Variants in RNF138 observed in about 807,000 individuals in gnomAD.
The protein encoded by RNF138 is ring finger protein 138, also known as E3 ubiquitin-protein ligase RNF138.
In RNF138, 12 loss-of-function variants were observed where a neutral mutation model predicts 31.0. That is an observed-to-expected ratio of 0.39 (90% CI 0.25 to 0.63). The LOEUF (loss-of-function observed/expected upper bound fraction) is 0.63, where lower values mean the gene tolerates loss of function less well. Ranked by LOEUF, RNF138 falls within the 20% of genes least tolerant of loss-of-function variation. The pLI, the probability that RNF138 is intolerant of heterozygous loss-of-function variation, is 0.52. For synonymous variants in RNF138, 105 were observed against 99.5 expected (o/e 1.06, Z -0.33); for missense variants, 192 against 300.1 (o/e 0.64, Z 2.66).
chr18:32,097,260 T>G (rs996446700), intron 2 of RNF138, among the ~76,000 whole-genome samples: 3 of 152,188 alleles, frequency 2.0e-5, no homozygotes, highest in African/African-American at 7.2e-5. Flanking sequence ...ACTATTGCAA[T>G]AAAAATTACA....
intron 2 of RNF138, among the ~76,000 whole-genome samples, chr18:32,108,594 C>G (rs80165292): frequency 6.6e-6 from 1 of 152,192 alleles, no homozygotes; most frequent in Non-Finnish European, 1.5e-5. Flanking sequence ...GTATAGTTTT[C>G]AGTTTGGGGC....
chr18:32,094,766 G>A (rs1172625894), intron 2 of RNF138, among the ~76,000 whole-genome samples: 2 of 152,004 alleles, frequency 1.3e-5, no homozygotes, highest in Non-Finnish European at 2.9e-5. Context: ...AGAGGAAGTT[G>A]TAATAGCTGC....
rs562809472 is a variant in RNF138 at position 32,102,353 on chromosome 18, C to T, written c.111-9401C>T. Among the ~76,000 whole-genome samples, 90 of 151,664 alleles carry T rather than the reference C, an allele frequency of 5.9e-4. No individual in the cohort carries two copies. The Middle Eastern group carries it at 0.014, about 23-fold the overall frequency. On this transcript the variant is annotated intron_variant, in intron 2 of 7. Coordinates refer to ENST00000261593, the MANE Select transcript of RNF138 (RefSeq NM_016271.5). ...AGTAGCTGGGACTACAGGCGCCCGC[C>T]GCCACGCCCGGCTAATTTTTTGTAT...
At chr18:32,127,928 AAGTT>A (rs1183331824) in intron 7 of RNF138, among the ~76,000 whole-genome samples, 2 of 152,006 alleles carry the variant, frequency 1.3e-5, no homozygotes, top group East Asian at 3.9e-4. Flanking sequence ...AAAATACAAA[AAGTT>A]AGCCGGGTGT....
chr18:32,113,658 GTTAC>G, intron 3 of RNF138, 83 bp from the exon 4 acceptor site: 1 of 576,790 alleles, frequency 1.7e-6, no homozygotes, highest in African/African-American at 2.0e-5. Context: ...GGAGTATTTA[GTTAC>G]TTTTATTTTT....
At chr18:32,098,176 C>T (rs1363778369) in intron 2 of RNF138, among the ~76,000 whole-genome samples, 1 of 151,552 alleles carries the variant, frequency 6.6e-6, no homozygotes, top group African/African-American at 2.4e-5. Context: ...TTAGTAGAGA[C>T]AGGGTTTTAC....
intron 2 of RNF138, among the ~76,000 whole-genome samples, chr18:32,094,118 C>T (rs1353119647): frequency 1.3e-5 from 2 of 152,164 alleles, no homozygotes; most frequent in Admixed American, 6.6e-5. Flanking sequence ...AAAAAACACA[C>T]TCAGGCTTGA....
At chr18:32,120,405 A>G (rs751316721) in intron 4 of RNF138, among the ~76,000 whole-genome samples, 11 of 152,222 alleles carry the variant, frequency 7.2e-5, no homozygotes, top group Non-Finnish European at 1.5e-4. Flanking sequence ...TAGAGATCCT[A>G]TTGAATGCAG....
rs114104374 is a variant in RNF138 at position 32,092,713 on chromosome 18, G to C, written c.-64G>C. ...GGGTTCATGTAGGGAGTCGGGCCCC[G>C]GGCCGCCACCGTCACCTCGGCCGCT... On this transcript the variant is annotated 5_prime_UTR_variant, in exon 2 of 8. Transcript: ENST00000261593. 5.8e-6 allele frequency: 6 copies of C among 1,026,302 alleles called. No individual in the cohort carries two copies. The highest frequency in any genetic ancestry group is 1.5e-6 in the Non-Finnish European group (1 of 683,772). 63.6% of individuals were successfully genotyped at this position (1,026,302 alleles called of 1,614,324 possible).
chr18:32,107,343 C>T (rs1469953366), intron 2 of RNF138, among the ~76,000 whole-genome samples: 1 of 82,610 alleles, frequency 1.2e-5, no homozygotes, highest in Non-Finnish European at 2.5e-5. Context: ...AGGCTGGTCT[C>T]GAACTCAGCT....
Position 32,109,419 on chromosome 18 carries a change from A to C in RNF138, c.111-2335A>C, listed in dbSNP as rs572535605. On this transcript the variant is annotated intron_variant, in intron 2 of 7. Transcript: ENST00000261593. ...AAGTGCAGGATTACAGGTGTGAGCC[A>C]CTGTGCCTGGCCATTGTTTTATTAT... 2.6e-5 allele frequency: 4 copies of C among 152,354 alleles called. No homozygotes were observed. The East Asian group carries it at 7.7e-4, about 29-fold the overall frequency. 9.4% of individuals were successfully genotyped at this position (152,354 alleles called of 1,614,324 possible). A position where few individuals can be genotyped will look rare whatever the true frequency, so the allele number is the denominator to read the frequency against.
At chr18:32,128,120 A>G (rs1019710520) in intron 7 of RNF138, among the ~76,000 whole-genome samples, 2 of 152,032 alleles carry the variant, frequency 1.3e-5, no homozygotes, top group Non-Finnish European at 1.5e-5. Flanking sequence ...CAGATTGTCA[A>G]ATAGAGGCCT....
At chr18:32,113,273 G>A (rs1238476631) in intron 3 of RNF138, among the ~76,000 whole-genome samples, 1 of 152,050 alleles carries the variant, frequency 6.6e-6, no homozygotes, top group Non-Finnish European at 1.5e-5. Context: ...GCTCAGGCTG[G>A]TCTTGAACCC....
chr18:32,096,969 C>T (rs1291369752), intron 2 of RNF138, among the ~76,000 whole-genome samples: 2 of 152,150 alleles, frequency 1.3e-5, no homozygotes, highest in African/African-American at 4.8e-5. Flanking sequence ...TGGGTGCAAA[C>T]CGTCCTCCTG....
chr18:32,124,894 G>A, intron 6 of RNF138, 49 bp downstream of exon 6: 3 of 935,288 alleles, frequency 3.2e-6, no homozygotes, highest in Non-Finnish European at 5.3e-6. Flanking sequence ...AAAACATGCT[G>A]TTCTATTTAT....
chr18:32,102,291 T>C (rs756277182), intron 2 of RNF138, among the ~76,000 whole-genome samples: 66 of 128,782 alleles, frequency 5.1e-4, no homozygotes, highest in Non-Finnish European at 9.7e-4. Context: ...AAGCTCCACC[T>C]CCCAGGTTCA....
chr18:32,092,365 A>T (rs140890175), intron 1 of RNF138, 130 bp downstream of exon 1: 2,048 of 168,560 alleles, frequency 0.012, 139 homozygotes, highest in Admixed American at 0.11. Context: ...AAGCAGTGAA[A>T]AGGGAGGCCT....
At chr18:32,105,665 T>G (rs2040016492) in intron 2 of RNF138, among the ~76,000 whole-genome samples, 1 of 152,218 alleles carries the variant, frequency 6.6e-6, no homozygotes, top group Non-Finnish European at 1.5e-5. Context: ...GGAATATCTC[T>G]GATCCTGAAG....
intron 2 of RNF138, among the ~76,000 whole-genome samples, chr18:32,104,927 AAG>A (rs1460746746): frequency 6.6e-6 from 1 of 152,212 alleles, no homozygotes; most frequent in African/African-American, 2.4e-5. Context: ...ATGAATAACT[AAG>A]AAAATATTTG....
Sources: allele counts gnomAD v4.1 joint callset (sites outside exome capture counted in the v4.1 genomes callset), GRCh38; gene constraint gnomAD v4.1.1; transcripts MANE v1.5; gene names NCBI Gene and HGNC (gene_info 2026-07-23, HGNC 2026-07-21).